SNAP47: variants seen among roughly 807,000 people sequenced by gnomAD.
The protein encoded by SNAP47 is synaptosomal-associated protein 47.
Under a neutral mutation model 31.4 loss-of-function variants are expected in SNAP47, and 20 were observed. That is an observed-to-expected ratio of 0.64 (90% CI 0.45 to 0.93). The LOEUF (loss-of-function observed/expected upper bound fraction) is 0.93, where lower values mean the gene tolerates loss of function less well. Ranked by LOEUF, SNAP47 falls within the 40% of genes least tolerant of loss-of-function variation. SNAP47 has a pLI of 0.00. For missense variants in SNAP47, 492 were observed against 528.5 expected (o/e 0.93, Z 0.68); for synonymous variants, 194 against 213.4 (o/e 0.91, Z 0.79).
At chr1:227,779,841 G>A (rs1050305060) in intron 4 of SNAP47, among the ~76,000 whole-genome samples, 1 of 152,086 alleles carries the variant, frequency 6.6e-6, no homozygotes, top group Non-Finnish European at 1.5e-5. Flanking sequence ...CATTCCTGGG[G>A]CGGCCCACCC....
chr1:227,758,073 C>G (rs755267666), intron 2 of SNAP47, among the ~76,000 whole-genome samples: 1 of 152,324 alleles, frequency 6.6e-6, no homozygotes, highest in Admixed American at 6.5e-5. Context: ...AAGCCCTTAG[C>G]TCCTGTAGCT....
At chr1:227,749,113 C>T (rs1282684148) in intron 2 of SNAP47, among the ~76,000 whole-genome samples, 1 of 152,152 alleles carries the variant, frequency 6.6e-6, no homozygotes, top group African/African-American at 2.4e-5. Context: ...TGCGTCATGG[C>T]CCGAGCATCT....
chr1:227,759,921 G>T (rs1051591202), intron 3 of SNAP47, among the ~76,000 whole-genome samples: 1 of 152,196 alleles, frequency 6.6e-6, no homozygotes, highest in Non-Finnish European at 1.5e-5. Flanking sequence ...GAATGCATTA[G>T]TTCCCAAGAG....
upstream of SNAP47, chr1:227,733,530 A>T (rs768109456): frequency 6.2e-7 from 1 of 1,603,596 alleles, no homozygotes; most frequent in South Asian, 1.1e-5. Context: ...TGTGTGTCGC[A>T]GAGTGCTGGG....
intron 4 of SNAP47, among the ~76,000 whole-genome samples, chr1:227,773,856 C>T (rs189477700): frequency 6.4e-4 from 97 of 152,332 alleles, no homozygotes; most frequent in African/African-American, 2.0e-3. Context: ...GATGAGACCC[C>T]GAGCCATGGT....
At chr1:227,730,838 T>C (rs1660593416), upstream of SNAP47, 1 of 152,310 alleles carries the variant, frequency 6.6e-6, no homozygotes, top group Admixed American at 6.5e-5. Flanking sequence ...TGACAGAAGC[T>C]GAAGGACAGG....
intron 3 of SNAP47, among the ~76,000 whole-genome samples, chr1:227,765,343 C>G (rs749939567): frequency 2.0e-5 from 3 of 152,152 alleles, no homozygotes; most frequent in Non-Finnish European, 4.4e-5. Flanking sequence ...GCTGGTGCTG[C>G]GAGGTGGACG....
chr1:227,768,234 C>T (rs1663563517), intron 4 of SNAP47: 7 of 978,228 alleles, frequency 7.2e-6, no homozygotes, highest in African/African-American at 1.8e-5. Flanking sequence ...GCTTCCGTCT[C>T]GTCTTCCCCT....
chr1:227,734,850 T>C (rs752622320), upstream of SNAP47: 1 of 1,611,768 alleles, frequency 6.2e-7, no homozygotes, highest in East Asian at 2.2e-5. Flanking sequence ...GCCATCTCCC[T>C]GGGCCCCGTC....
chr1:227,738,785 A>G, intron 1 of SNAP47, among the ~76,000 whole-genome samples: 1 of 152,178 alleles, frequency 6.6e-6, no homozygotes, highest in Non-Finnish European at 1.5e-5. Context: ...AGTTTGCCTC[A>G]TGGGGAAACT....
rs939535775 is a variant in SNAP47 at position 227,762,705 on chromosome 1, T to C, written c.988+3220T>C. Among the ~76,000 whole-genome samples, 2 of 152,202 alleles carry C rather than the reference T, an allele frequency of 1.3e-5. No individual in the cohort carries two copies. Among genetic ancestry groups the C allele is most frequent in the African/African-American group, 4.8e-5 (2 of 41,460 alleles). ...GCAGGGCTGCGTGCCAAGTGCACGT[T>C]TTATTTTATTCTAGACACTCGTCCT... On this transcript the variant is annotated intron_variant, in intron 3 of 4. Transcript: ENST00000617596. This position sits in a 1 kb window ranked among gnomAD's most constrained non-coding sequence, Gnocchi z 4.2.
upstream of SNAP47, chr1:227,735,303 T>G (rs1424641703): frequency 1.2e-6 from 2 of 1,603,990 alleles, no homozygotes; most frequent in Non-Finnish European, 1.7e-6. Flanking sequence ...AGGACCCTCC[T>G]CCTCACTTCC....
At chr1:227,775,198 T>A (rs1400821362) in intron 4 of SNAP47, among the ~76,000 whole-genome samples, 1 of 151,948 alleles carries the variant, frequency 6.6e-6, no homozygotes, top group African/African-American at 2.4e-5. Context: ...CAGCAGAGAG[T>A]GTTCTTTACG....
At chr1:227,750,220 T>A (rs1662259154) in intron 2 of SNAP47, among the ~76,000 whole-genome samples, 2 of 150,024 alleles carry the variant, frequency 1.3e-5, no homozygotes, top group Admixed American at 1.3e-4. Context: ...AGATGGCAGG[T>A]GTGTGTTTTG....
At chr1:227,777,262 C>G in intron 4 of SNAP47, 1 of 298,046 alleles carries the variant, frequency 3.4e-6, no homozygotes, top group Non-Finnish European at 5.0e-6. Flanking sequence ...ACCAGGGTCA[C>G]TAGCACGGCC....
At chr1:227,767,576 T>C (rs1485167217) in intron 4 of SNAP47, among the ~76,000 whole-genome samples, 5 of 152,156 alleles carry the variant, frequency 3.3e-5, no homozygotes, top group Admixed American at 6.5e-5. Flanking sequence ...TGTGTGTGTA[T>C]GCACATGTGT....
chr1:227,741,093 G>C lies in SNAP47; in HGVS notation c.-46+5594G>C, dbSNP rs557645375. 3.3e-5 allele frequency among the ~76,000 whole-genome samples: 5 copies of C among 152,278 alleles called. 1 individual carries two copies. In the South Asian group the frequency reaches 1.0e-3, roughly 32 times the overall value. On this transcript the variant is annotated intron_variant, in intron 1 of 4. Coordinates refer to ENST00000617596, the MANE Select transcript of SNAP47 (RefSeq NM_053052.4). The surrounding 1 kb of genome is among the most constrained non-coding windows in gnomAD (Gnocchi z 4.2). ...CCCAGCAGGTGATAGGGGAGGAGCT[G>C]ATGGAAGGAATGTGAAGTTCAAGTG...
chr1:227,757,216 G>A (rs1457584758), intron 2 of SNAP47, among the ~76,000 whole-genome samples: 2 of 152,154 alleles, frequency 1.3e-5, no homozygotes, highest in African/African-American at 4.8e-5. Context: ...AAGTCTCCAC[G>A]TTCATCCCTA....
chr1:227,734,711 A>C (rs34226061), upstream of SNAP47: 80 of 1,614,008 alleles, frequency 5.0e-5, no homozygotes, highest in Non-Finnish European at 6.7e-5. Flanking sequence ...GCCCGCCTGT[A>C]TGTACTCTTT....
Sources: allele counts gnomAD v4.1 joint callset (sites outside exome capture counted in the v4.1 genomes callset), GRCh38; gene constraint gnomAD v4.1.1; non-coding constraint Gnocchi (gnomAD v3.1); transcripts MANE v1.5; gene names NCBI Gene and HGNC (gene_info 2026-07-23, HGNC 2026-07-21).